PEPD: variants seen among roughly 807,000 people sequenced by gnomAD.
PEPD encodes peptidase D, also known as xaa-Pro dipeptidase.
A neutral mutation model predicts 60.7 loss-of-function variants in PEPD; 53 were observed. That is an observed-to-expected ratio of 0.87 (90% CI 0.70 to 1.10). PEPD has a LOEUF of 1.10. Ranked by LOEUF, PEPD falls within the 50% of genes least tolerant of loss-of-function variation. The pLI is 0.00. For missense variants in PEPD, 711 were observed against 711.9 expected (o/e 1.00, Z 0.01); for synonymous variants, 267 against 284.1 (o/e 0.94, Z 0.60).
intron 6 of PEPD, among the ~76,000 whole-genome samples, chr19:33,480,280 G>C (rs1970289726): frequency 1.3e-5 from 2 of 152,210 alleles, no homozygotes; most frequent in South Asian, 2.1e-4. Context: ...TAAGCCCTAA[G>C]ATACAAAGTT....
chr19:33,456,619 C>T (rs1969806067), intron 9 of PEPD, among the ~76,000 whole-genome samples: 1 of 152,168 alleles, frequency 6.6e-6, no homozygotes, highest in African/African-American at 2.4e-5. Context: ...CACCCATCAA[C>T]ACAGCCTTCA....
intron 9 of PEPD, among the ~76,000 whole-genome samples, chr19:33,429,253 G>A (rs1019147533): frequency 6.6e-6 from 1 of 150,952 alleles, no homozygotes; most frequent in Non-Finnish European, 1.5e-5. Flanking sequence ...AGCCTTTACC[G>A]TGCTAAGCCA....
chr19:33,396,083 G>A (rs1028770286), intron 12 of PEPD: 1 of 152,468 alleles, frequency 6.6e-6, no homozygotes, highest in East Asian at 1.9e-4. Flanking sequence ...CCAAGGAACT[G>A]GCTCACCATT....
intron 3 of PEPD, 124 bp from the exon 4 acceptor site, chr19:33,501,125 GCAC>G: frequency 2.7e-6 from 2 of 744,526 alleles, no homozygotes; most frequent in Admixed American, 3.7e-5. Flanking sequence ...TCAGCACCCA[GCAC>G]CCAGCACCCG....
intron 9 of PEPD, among the ~76,000 whole-genome samples, chr19:33,448,270 C>A (rs1444095679): frequency 6.6e-6 from 1 of 152,198 alleles, no homozygotes; most frequent in African/African-American, 2.4e-5. Context: ...ACTGCTCCTG[C>A]GGGGCTGCTC....
chr19:33,462,896 T>G, intron 9 of PEPD, 99 bp downstream of exon 9: 1 of 800,554 alleles, frequency 1.2e-6, no homozygotes, highest in Non-Finnish European at 2.3e-6. Flanking sequence ...CCGCTCACGG[T>G]GTGTGTGCCA....
intron 6 of PEPD, among the ~76,000 whole-genome samples, chr19:33,480,525 G>A (rs34106766): frequency 0.14 from 20,843 of 152,242 alleles, 1,723 homozygotes; most frequent in Non-Finnish European, 0.19. Context: ...ACAAAAACGC[G>A]GTGGCTCACG....
At chr19:33,429,509 C>A (rs1969226476) in intron 9 of PEPD, among the ~76,000 whole-genome samples, 2 of 152,168 alleles carry the variant, frequency 1.3e-5, no homozygotes, top group African/African-American at 2.4e-5. Flanking sequence ...CATGTGGATA[C>A]ACAGATATCT....
At chr19:33,511,600 G>A (rs554711282) in intron 2 of PEPD, 22 of 294,796 alleles carry the variant, frequency 7.5e-5, no homozygotes, top group Admixed American at 6.0e-4. Context: ...CCCCCGGGAC[G>A]GCTGATGACT....
At chr19:33,394,401 G>A (rs541321985) in intron 12 of PEPD, among the ~76,000 whole-genome samples, 51 of 152,364 alleles carry the variant, frequency 3.3e-4, no homozygotes, top group South Asian at 1.2e-3. Context: ...GTGCCGGCCC[G>A]GGGGTCCCCT....
At chr19:33,411,807 G>A (rs867055157) in intron 10 of PEPD, 58 bp from the exon 11 acceptor site, 5 of 1,047,442 alleles carry the variant, frequency 4.8e-6, no homozygotes, top group Non-Finnish European at 5.9e-6. Context: ...GGCTCTGAAG[G>A]AGGGGGTGGA....
At chr19:33,456,788 T>C (rs2145259821) in intron 9 of PEPD, among the ~76,000 whole-genome samples, 1 of 151,980 alleles carries the variant, frequency 6.6e-6, no homozygotes, top group East Asian at 1.9e-4. Flanking sequence ...GCAGCACCCT[T>C]TGTGGGGGTG....
At chr19:33,518,539 C>T (rs1971068236) in intron 1 of PEPD, among the ~76,000 whole-genome samples, 1 of 152,188 alleles carries the variant, frequency 6.6e-6, no homozygotes, top group South Asian at 2.1e-4. Context: ...TCCTGGGAGC[C>T]ACTCAGTTAA....
At chr19:33,488,584 G>A (rs1970439081) in intron 6 of PEPD, among the ~76,000 whole-genome samples, 1 of 152,156 alleles carries the variant, frequency 6.6e-6, no homozygotes, top group Admixed American at 6.5e-5. Flanking sequence ...ATTTCAACAA[G>A]CTGGGCTAAT....
intron 4 of PEPD, among the ~76,000 whole-genome samples, chr19:33,494,040 C>T (rs941601189): frequency 2.0e-5 from 3 of 152,236 alleles, no homozygotes; most frequent in Non-Finnish European, 4.4e-5. Context: ...GCCCCCTGGG[C>T]AGGTTCGTTC....
chr19:33,418,062 C>A (rs758306731), intron 9 of PEPD, among the ~76,000 whole-genome samples: 1 of 152,234 alleles, frequency 6.6e-6, no homozygotes. Flanking sequence ...CCTCACGGAG[C>A]TGACCCAGGG....
At chr19:33,503,997 C>T (rs1970756800) in intron 3 of PEPD, among the ~76,000 whole-genome samples, 1 of 152,152 alleles carries the variant, frequency 6.6e-6, no homozygotes, top group Non-Finnish European at 1.5e-5. Context: ...TGCCAAAAAG[C>T]GCCTCCCAAG....
chr19:33,443,195 G>A (rs1052921372), intron 9 of PEPD, among the ~76,000 whole-genome samples: 4 of 152,200 alleles, frequency 2.6e-5, no homozygotes, highest in Non-Finnish European at 4.4e-5. Flanking sequence ...TCTGACTTCT[G>A]TCACTGAACA....
chr19:33,408,048 C>T (rs1334455382), intron 11 of PEPD, among the ~76,000 whole-genome samples: 3 of 152,230 alleles, frequency 2.0e-5, no homozygotes, highest in Non-Finnish European at 4.4e-5. Flanking sequence ...CCTCTTGGAC[C>T]ATGACTGTGG....
Sources: gnomAD v4.1 joint callset for allele counts (sites outside exome capture counted in the v4.1 genomes callset) on GRCh38, gnomAD v4.1.1 for gene constraint, MANE v1.5 for transcripts, NCBI Gene and HGNC (gene_info 2026-07-23, HGNC 2026-07-21) for gene names.